The following KLF13 variants were observed in gnomAD, a reference collection of about 807,000 sequenced individuals.
KLF13 encodes the protein Krueppel-like factor 13.
In KLF13, 8 loss-of-function variants were observed where a neutral mutation model predicts 16.7. The ratio of observed to expected loss-of-function variants is 0.48; its 90% CI spans 0.28 to 0.87. The LOEUF (loss-of-function observed/expected upper bound fraction) is 0.87. KLF13 is among the 40% of genes least tolerant of loss of function. The pLI is 0.10. For synonymous variants in KLF13, 245 were observed against 208.4 expected (o/e 1.18, Z -1.51); for missense variants, 447 against 452.2 (o/e 0.99, Z 0.10).
At chr15:31,329,097 C>G (rs1255139875) in intron 1 of KLF13, among the ~76,000 whole-genome samples, 1 of 151,942 alleles carries the variant, frequency 6.6e-6, no homozygotes, top group Non-Finnish European at 1.5e-5. Context: ...TAACTTTCCC[C>G]AGGGAGGCTT....
rs2039628502 is a variant in KLF13, at chr15:31,375,525, G to A, written c.*3226G>A. 6.6e-6 allele frequency: 1 copy of A among 152,192 alleles called. No homozygotes were observed. The allele number at this position is 152,192 out of a possible 1,614,324, so 9.4% of individuals were successfully genotyped here. ...ACTTCAGTTCTCGTGGTCCATAGGG[G>A]CAGAGATGTCAAAGTGAAGGTTGCC... On this transcript the variant is annotated 3_prime_UTR_variant, in exon 2 of 2. Coordinates refer to ENST00000307145, the MANE Select transcript of KLF13 (RefSeq NM_015995.4).
chr15:31,418,071 A>C (rs1319442507), intron 1 of KLF13, among the ~76,000 whole-genome samples: 2 of 152,316 alleles, frequency 1.3e-5, no homozygotes, highest in Non-Finnish European at 2.9e-5. Context: ...TATATATAAA[A>C]AGACAAAATA....
chr15:31,365,923 C>G (rs1019678409), intron 1 of KLF13, among the ~76,000 whole-genome samples: 39 of 151,836 alleles, frequency 2.6e-4, no homozygotes, highest in Admixed American at 2.4e-3. Context: ...AACACGTTGT[C>G]CCCGCCTGGG....
intron 1 of KLF13, among the ~76,000 whole-genome samples, chr15:31,339,111 A>C (rs1383514742): frequency 6.6e-6 from 1 of 152,108 alleles, no homozygotes; most frequent in Non-Finnish European, 1.5e-5. Flanking sequence ...GTCCCTGCTC[A>C]TGGTCAGGGT....
chr15:31,360,989 G>A (rs1448347004), intron 1 of KLF13, among the ~76,000 whole-genome samples: 4 of 152,220 alleles, frequency 2.6e-5, no homozygotes, highest in African/African-American at 9.7e-5. Flanking sequence ...TGAGTGCGCT[G>A]CCTGGTAGCG....
At chr15:31,329,484 G>C (rs191564497) in intron 1 of KLF13, among the ~76,000 whole-genome samples, 1 of 152,198 alleles carries the variant, frequency 6.6e-6, no homozygotes, top group Admixed American at 6.5e-5. Flanking sequence ...ATTGAGGAGG[G>C]GGGTGGCCGA....
chr15:31,364,309 G>A (rs2039431230), intron 1 of KLF13, among the ~76,000 whole-genome samples: 1 of 152,212 alleles, frequency 6.6e-6, no homozygotes, highest in Non-Finnish European at 1.5e-5. Flanking sequence ...GCCCAAGGAG[G>A]ATTCTCTCAC....
chr15:31,398,914 C>T (rs1369304360), intron 2 of KLF13, among the ~76,000 whole-genome samples: 2 of 152,190 alleles, frequency 1.3e-5, no homozygotes, highest in South Asian at 2.1e-4. Flanking sequence ...CCCCACTGGG[C>T]GGGGCTGTGT....
At chr15:31,337,078 C>T (rs2140935620) in intron 1 of KLF13, among the ~76,000 whole-genome samples, 1 of 152,342 alleles carries the variant, frequency 6.6e-6, no homozygotes, top group African/African-American at 2.4e-5. Flanking sequence ...CCGTTGTCCT[C>T]ACCTGCATGA....
At chr15:31,410,848 A>G (rs1263149344) in intron 1 of KLF13, among the ~76,000 whole-genome samples, 1 of 152,220 alleles carries the variant, frequency 6.6e-6, no homozygotes, top group South Asian at 2.1e-4. Context: ...ACTGACCAGT[A>G]TCAGGAATAA....
At chr15:31,432,283 T>C (rs1038045969) in intron 1 of KLF13, among the ~76,000 whole-genome samples, 3 of 152,070 alleles carry the variant, frequency 2.0e-5, no homozygotes, top group African/African-American at 7.3e-5. Flanking sequence ...CCTGTTTTCC[T>C]ATCTAGACAT....
At chr15:31,408,280 T>C (rs1315637653), downstream of KLF13, among the ~76,000 whole-genome samples, 1 of 152,202 alleles carries the variant, frequency 6.6e-6, no homozygotes, top group Admixed American at 6.5e-5. Context: ...GAATTGTTTC[T>C]CACCAGGTAG....
At chr15:31,415,997 G>A (rs115466149) in intron 1 of KLF13, among the ~76,000 whole-genome samples, 1,813 of 152,034 alleles carry the variant, frequency 0.012, 34 homozygotes, top group African/African-American at 0.039. Flanking sequence ...CATTACTACC[G>A]ACTTTACAGA....
At chr15:31,395,171 C>T (rs551541768) in intron 2 of KLF13, among the ~76,000 whole-genome samples, 7 of 152,040 alleles carry the variant, frequency 4.6e-5, no homozygotes, top group East Asian at 1.9e-4. Flanking sequence ...GTAGAGATGG[C>T]GTTTCACCAC....
At chr15:31,426,195 TTCTA>T (rs1256389332) in intron 1 of KLF13, among the ~76,000 whole-genome samples, 1 of 152,228 alleles carries the variant, frequency 6.6e-6, no homozygotes, top group Non-Finnish European at 1.5e-5. Flanking sequence ...TCCCACATTT[TTCTA>T]TCTTTTTCTG....
chr15:31,340,473 CTCAGTTCCTTTCTTG>C (rs2039003413), intron 1 of KLF13, among the ~76,000 whole-genome samples: 1 of 152,258 alleles, frequency 6.6e-6, no homozygotes, highest in East Asian at 1.9e-4. Flanking sequence ...CACCTGGGTG[CTCAGTTCCTTTCTTG>C]TCATCCTTTC....
chr15:31,384,265 C>G (rs2039767799), intron 1 of KLF13, among the ~76,000 whole-genome samples: 2 of 152,144 alleles, frequency 1.3e-5, no homozygotes, highest in Admixed American at 1.3e-4. Flanking sequence ...ATGGTGAAAC[C>G]TCGTCTCTAC....
intron 1 of KLF13, among the ~76,000 whole-genome samples, chr15:31,331,429 T>C (rs79562880): frequency 0.02 from 3,030 of 152,326 alleles, 61 homozygotes; most frequent in East Asian, 0.096. Context: ...TCCTGACAGA[T>C]TATTGCGACC....
chr15:31,419,668 G>C (rs965000710), intron 1 of KLF13, among the ~76,000 whole-genome samples: 1 of 152,100 alleles, frequency 6.6e-6, no homozygotes, highest in African/African-American at 2.4e-5. Flanking sequence ...AAGCATAAGG[G>C]ACTTATGAAA....
Sources: gnomAD v4.1 joint callset for allele counts (sites outside exome capture counted in the v4.1 genomes callset) on GRCh38, gnomAD v4.1.1 for gene constraint, MANE v1.5 for transcripts, NCBI Gene and HGNC (gene_info 2026-07-23, HGNC 2026-07-21) for gene names.